The following DENND2A variants were observed in gnomAD, a reference collection of about 807,000 sequenced individuals.
DENND2A encodes the protein DENN domain-containing protein 2A.
A neutral mutation model predicts 105.3 loss-of-function variants in DENND2A; 53 were observed. That is an observed-to-expected ratio of 0.50 (90% CI 0.40 to 0.63). DENND2A has a LOEUF of 0.63. Ranked by LOEUF, DENND2A falls within the 30% of genes least tolerant of loss-of-function variation. DENND2A has a pLI of 0.00. For missense variants in DENND2A, 1,138 were observed against 1,279.6 expected, an observed-to-expected ratio of 0.89 and a Z score of 1.69; for synonymous variants, 522 against 508.4, an observed-to-expected ratio of 1.03 and a Z score of -0.36.
At chr7:140,555,596 GTTCCTTCCC>G in intron 12 of DENND2A, 31 bp downstream of exon 12, 1 of 1,594,996 alleles carries the variant, frequency 6.3e-7, no homozygotes, top group African/African-American at 1.3e-5. Context: ...GAGCCCTCCC[GTTCCTTCCC>G]TTCCTCTTTC....
intron 3 of DENND2A, among the ~76,000 whole-genome samples, chr7:140,596,905 A>G (rs954841146): frequency 2.0e-5 from 3 of 152,252 alleles, no homozygotes; most frequent in Non-Finnish European, 4.4e-5. Flanking sequence ...AGTGTATGCC[A>G]TAAAACACAT....
At chr7:140,554,038 C>T (rs1194622291) in intron 12 of DENND2A, among the ~76,000 whole-genome samples, 9 of 150,918 alleles carry the variant, frequency 6.0e-5, no homozygotes, top group East Asian at 4.0e-4. Context: ...CCATCCTGGC[C>T]AACATGGTGA....
chr7:140,633,516 A>C (rs1418382111), intron 1 of DENND2A, among the ~76,000 whole-genome samples: 7 of 152,138 alleles, frequency 4.6e-5, no homozygotes, highest in Non-Finnish European at 7.3e-5. Flanking sequence ...CCTATATTTT[A>C]CCTACCATAA....
chr7:140,567,338 GAGAGA>G, intron 8 of DENND2A, 65 bp from the exon 9 acceptor site: 1 of 1,355,948 alleles, frequency 7.4e-7, no homozygotes, highest in African/African-American at 1.5e-5. Flanking sequence ...GAGAGAGAGA[GAGAGA>G]GACAGAGTGA....
intron 10 of DENND2A, 145 bp from the exon 11 acceptor site, chr7:140,558,357 C>A: frequency 1.7e-6 from 1 of 601,168 alleles, no homozygotes; most frequent in East Asian, 2.9e-5. Flanking sequence ...CCACCTGTCC[C>A]TGTCCATGCT....
chr7:140,608,327 T>C (rs1799766538), intron 1 of DENND2A, among the ~76,000 whole-genome samples: 1 of 152,134 alleles, frequency 6.6e-6, no homozygotes, highest in Non-Finnish European at 1.5e-5. Context: ...TTCACAAAGA[T>C]ATTAAAAATG....
intron 5 of DENND2A, 94 bp downstream of exon 5, chr7:140,585,495 G>T: frequency 6.5e-7 from 1 of 1,549,260 alleles, no homozygotes; most frequent in Non-Finnish European, 8.8e-7. Context: ...AGGTGGAGGT[G>T]GCCTGGAATT....
intron 1 of DENND2A, among the ~76,000 whole-genome samples, chr7:140,619,500 CTTT>C (rs57839820): frequency 6.9e-6 from 1 of 144,900 alleles, no homozygotes. Context: ...AAACTCTGCA[CTTT>C]TTTTTTTTTT....
intron 5 of DENND2A, among the ~76,000 whole-genome samples, chr7:140,575,731 G>T (rs1311472777): frequency 6.6e-6 from 1 of 152,160 alleles, no homozygotes; most frequent in African/African-American, 2.4e-5. Context: ...ACTTTGGGAG[G>T]CTGAGGTGGG....
chr7:140,599,401 G>A (rs6952059), intron 3 of DENND2A, among the ~76,000 whole-genome samples: 3,930 of 151,916 alleles, frequency 0.026, 160 homozygotes, highest in African/African-American at 0.088. Context: ...AAAATAGCCT[G>A]ATTAATTAAA....
chr7:140,627,212 A>C (rs961555049), intron 1 of DENND2A, among the ~76,000 whole-genome samples: 5 of 152,024 alleles, frequency 3.3e-5, no homozygotes, highest in African/African-American at 1.2e-4. Context: ...ATTTATTTTT[A>C]GTTTAGTTTA....
intron 6 of DENND2A, 134 bp downstream of exon 6, chr7:140,573,674 G>C (rs1798184702): frequency 9.6e-7 from 1 of 1,037,228 alleles, no homozygotes; most frequent in Admixed American, 2.4e-5. Flanking sequence ...TGGCTTCACT[G>C]TGTCCCCCTG....
intron 3 of DENND2A, among the ~76,000 whole-genome samples, chr7:140,599,731 C>A (rs1487234767): frequency 6.6e-6 from 1 of 151,816 alleles, no homozygotes; most frequent in African/African-American, 2.4e-5. Flanking sequence ...CTAGAATATG[C>A]AAACTTTTTC....
chr7:140,606,065 G>A (rs1364088978), intron 1 of DENND2A, among the ~76,000 whole-genome samples: 1 of 152,102 alleles, frequency 6.6e-6, no homozygotes, highest in Non-Finnish European at 1.5e-5. Flanking sequence ...TTTTGAGACA[G>A]GGTCTGGTTC....
Position 140,519,616 on chromosome 7 carries a change from G to C in DENND2A, c.2998+16C>G. 5.0e-6 allele frequency: 8 copies of C among 1,612,576 alleles called. No individual in the cohort carries two copies. The highest frequency in any genetic ancestry group is 6.8e-6 in the Non-Finnish European group (8 of 1,179,044). On this transcript the variant is annotated intron_variant, in intron 19 of 19. Coordinates refer to ENST00000496613, the MANE Select transcript of DENND2A (RefSeq NM_015689.5). ...CAGAGGCACACAGGCTGGGCACCCA[G>C]AGCCCGGGGCCTTACCTAGTCCCTT... is the stretch of plus-strand genomic sequence containing the variant.
chr7:140,545,146 C>A (rs1431893754), intron 13 of DENND2A, among the ~76,000 whole-genome samples: 1 of 152,076 alleles, frequency 6.6e-6, no homozygotes, highest in Non-Finnish European at 1.5e-5. Context: ...CGGTTCTGTC[C>A]CTGAGAGTCC....
At chr7:140,591,947 C>A (rs1585709710) in intron 3 of DENND2A, among the ~76,000 whole-genome samples, 1 of 41,410 alleles carries the variant, frequency 2.4e-5, no homozygotes, top group Non-Finnish European at 4.4e-5. Flanking sequence ...TCCCCTCCCC[C>A]CTCCCTACTC....
rs1796120372 is a variant in DENND2A, at chr7:140,527,812, T to A, written c.2328-317A>T. 7.1e-6 allele frequency among the ~76,000 whole-genome samples: 1 copy of A among 140,848 alleles called. No homozygotes were observed. The highest frequency in any genetic ancestry group is 3.2e-5 in the African/African-American group (1 of 31,562). 92.4% of individuals were successfully genotyped at this position (140,848 alleles called of 152,430 possible). A position where few individuals can be genotyped will look rare whatever the true frequency, so the allele number is the denominator to read the frequency against. On this transcript the variant is annotated intron_variant, in intron 14 of 19. Coordinates refer to ENST00000496613, the MANE Select transcript of DENND2A (RefSeq NM_015689.5). The surrounding 1 kb of genome is among the most constrained non-coding windows in gnomAD (Gnocchi z 4.9). The stretch of plus-strand genomic sequence containing the variant: ...GTGATCTATACTCTTGTAAGGTTTT[T>A]ATTTATTATTTATTTATTTATTTAT...
intron 1 of DENND2A, among the ~76,000 whole-genome samples, chr7:140,628,261 AC>A (rs1437514263): frequency 6.6e-6 from 1 of 152,228 alleles, no homozygotes; most frequent in Non-Finnish European, 1.5e-5. Flanking sequence ...TTAGAAGGTG[AC>A]CTGATCCCCT....
Sources: gnomAD v4.1 joint callset for allele counts (sites outside exome capture counted in the v4.1 genomes callset) on GRCh38, gnomAD v4.1.1 for gene constraint, Gnocchi (gnomAD v3.1) non-coding constraint, MANE v1.5 for transcripts, NCBI Gene and HGNC (gene_info 2026-07-23, HGNC 2026-07-21) for gene names.